FAM114A1: variants seen among roughly 807,000 people sequenced by gnomAD.
The protein encoded by FAM114A1 is family with sequence similarity 114 member A1, also known as protein NOXP20.
FAM114A1 carries 62 observed loss-of-function variants against 64.3 expected under a neutral mutation model. The observed-to-expected ratio is 0.96, with a 90% confidence interval of 0.79 to 1.19. FAM114A1 has a LOEUF of 1.19. FAM114A1 is among the 50% of genes most tolerant of loss of function. The pLI, the probability that FAM114A1 is intolerant of heterozygous loss-of-function variation, is 0.00. For missense variants in FAM114A1, 645 were observed against 676.3 expected (o/e 0.95, Z 0.51); for synonymous variants, 254 against 251.1 (o/e 1.01, Z -0.11).
intron 8 of FAM114A1, among the ~76,000 whole-genome samples, chr4:38,917,293 G>A (rs562795292): frequency 1.4e-4 from 21 of 152,028 alleles, no homozygotes; most frequent in East Asian, 9.7e-4. Flanking sequence ...AGCCGAGATC[G>A]TGCCACTGCG....
At chr4:38,916,658 G>C (rs9759910) in intron 8 of FAM114A1, among the ~76,000 whole-genome samples, 2 of 151,972 alleles carry the variant, frequency 1.3e-5, no homozygotes, top group Non-Finnish European at 2.9e-5. Context: ...GAGGCCTGTC[G>C]GGGGTAGGGG....
intron 6 of FAM114A1, among the ~76,000 whole-genome samples, chr4:38,907,734 TA>T (rs1200651348): frequency 6.6e-6 from 1 of 152,128 alleles, no homozygotes; most frequent in African/African-American, 2.4e-5. Context: ...ATATCAGTAA[TA>T]ATATCATAAT....
Position 38,945,726 on chromosome 4 carries a change from G to T in FAM114A1, c.*2169G>T, listed in dbSNP as rs1272178596. The T allele has an allele frequency of 6.6e-6, 1 of 152,122 alleles. No individual in the cohort carries two copies. Among genetic ancestry groups the T allele is most frequent in the African/African-American group, 2.4e-5 (1 of 41,416 alleles). The allele number at this position is 152,122 out of a possible 1,614,324, so 9.4% of individuals were successfully genotyped here. On this transcript the variant is annotated 3_prime_UTR_variant, in exon 15 of 15. Coordinates refer to ENST00000358869, the MANE Select transcript of FAM114A1 (RefSeq NM_138389.4). ...AAAATTACCTGAGAAATCAATTAAAGATTTTTCCCCTTTTCTGATTGCCAG... is the reference window on the plus strand; with the variant it reads ...AAAATTACCTGAGAAATCAATTAAATATTTTTCCCCTTTTCTGATTGCCAG...
At chr4:38,934,810 A>C (rs1042091528) in intron 12 of FAM114A1, among the ~76,000 whole-genome samples, 1 of 152,178 alleles carries the variant, frequency 6.6e-6, no homozygotes, top group South Asian at 2.1e-4. Context: ...ATTCTACAGG[A>C]TCTTTATTTT....
intron 13 of FAM114A1, among the ~76,000 whole-genome samples, chr4:38,937,117 T>C (rs1275039751): frequency 6.6e-6 from 1 of 152,206 alleles, no homozygotes; most frequent in Non-Finnish European, 1.5e-5. Flanking sequence ...TCTAATGATG[T>C]TCTCCATGAG....
chr4:38,915,193 G>C, intron 8 of FAM114A1, 120 bp downstream of exon 8: 3 of 1,283,724 alleles, frequency 2.3e-6, no homozygotes, highest in Non-Finnish European at 3.2e-6. Context: ...TTATTGTGCT[G>C]AGGTCAGAAA....
chr4:38,929,853 A>C (rs957844992), intron 10 of FAM114A1, among the ~76,000 whole-genome samples: 15 of 152,182 alleles, frequency 9.9e-5, no homozygotes, highest in African/African-American at 3.6e-4. Flanking sequence ...AACATGCTAG[A>C]CTGTGTCATG....
intron 12 of FAM114A1, among the ~76,000 whole-genome samples, chr4:38,935,010 C>T (rs902611132): frequency 6.6e-6 from 1 of 151,752 alleles, no homozygotes; most frequent in Non-Finnish European, 1.5e-5. Context: ...CACCTCCTGG[C>T]TTCAAGTGAT....
intron 12 of FAM114A1, among the ~76,000 whole-genome samples, chr4:38,932,838 G>A (rs1176724139): frequency 1.3e-5 from 2 of 150,738 alleles, no homozygotes. Flanking sequence ...TTGTTCTACG[G>A]TCATCTTAAG....
At chr4:38,898,990 T>C (rs1009987765) in intron 4 of FAM114A1, among the ~76,000 whole-genome samples, 14 of 147,374 alleles carry the variant, frequency 9.5e-5, no homozygotes, top group Non-Finnish European at 1.9e-4. Context: ...ATATGTAATA[T>C]ATGTTATATA....
At chr4:38,920,901 T>G (rs980190899) in intron 8 of FAM114A1, among the ~76,000 whole-genome samples, 1 of 152,148 alleles carries the variant, frequency 6.6e-6, no homozygotes, top group East Asian at 1.9e-4. Flanking sequence ...CGCTAATGGG[T>G]TTTGTGTTGA....
chr4:38,905,400 TAA>T (rs74272797), intron 4 of FAM114A1, 120 bp from the exon 5 acceptor site: 3,500 of 586,360 alleles, frequency 6.0e-3, no homozygotes, highest in East Asian at 9.6e-3. Flanking sequence ...CTCCATCTTT[TAA>T]AAAAAAAAAA....
chr4:38,894,398 A>T (rs1716712002), intron 4 of FAM114A1, among the ~76,000 whole-genome samples: 1 of 152,224 alleles, frequency 6.6e-6, no homozygotes, highest in Non-Finnish European at 1.5e-5. Context: ...ATTGATCCAG[A>T]AGAGCCTAGA....
intron 3 of FAM114A1, 133 bp downstream of exon 3, chr4:38,878,559 A>AGTGTG (rs1714906516): frequency 3.0e-6 from 2 of 670,052 alleles, no homozygotes; most frequent in African/African-American, 4.1e-5. Context: ...TGTCATCAGA[A>AGTGTG]ATGTGTAGTG....
chr4:38,883,557 T>A (rs1388383022), intron 3 of FAM114A1, among the ~76,000 whole-genome samples: 1 of 152,176 alleles, frequency 6.6e-6, no homozygotes, highest in Non-Finnish European at 1.5e-5. Flanking sequence ...AGAATCCCAA[T>A]GTTAACACTG....
In FAM114A1 at chr4:38,932,333, A is replaced by G. The variant is rs1269776195; in HGVS notation, c.1422A>G (p.Glu474=). ...KVAELILHGQ[E]EEKPAQDQAK... Reference sequence around the variant, plus strand: ...CAGAATTAATTCTTCATGGACAAGAAGAGGAAAAACCAGCTCAGGACCAAG... The same window carrying G: ...CAGAATTAATTCTTCATGGACAAGAGGAGGAAAAACCAGCTCAGGACCAAG... The change falls in exon 12 of 15, where the codon GAA becomes GAG. Residue 474 remains glutamate, a synonymous_variant. Coordinates refer to ENST00000358869, the MANE Select transcript of FAM114A1 (RefSeq NM_138389.4). 6.2e-7 allele frequency: 1 copy of G among 1,613,168 alleles called. No individual in the cohort carries two copies. Among genetic ancestry groups the G allele is most frequent in the East Asian group, 2.2e-5 (1 of 44,884 alleles).
Position 38,905,782 on chromosome 4 carries a change from C to T in FAM114A1, c.578C>T (p.Pro193Leu), listed in dbSNP as rs1717941540. 1 of 1,613,902 alleles carries T rather than the reference C, an allele frequency of 6.2e-7. No homozygotes were observed. Among genetic ancestry groups the T allele is most frequent in the African/African-American group, 1.3e-5 (1 of 74,912 alleles). The change falls in exon 6 of 15, where the codon CCT (proline) becomes CTT (leucine). Residue 193 changes from proline (P) to leucine (L), a missense_variant. Coordinates refer to ENST00000358869, the MANE Select transcript of FAM114A1 (RefSeq NM_138389.4). ...ACAGATGCAGCCACAGATCAGGGCC[C>T]TGCAGAAAGCCCACCCACTTCCCCT... The part of the protein sequence containing the change: ...EITDAATDQG[P>L]AESPPTSPSS...
rs1390379103 is a variant in FAM114A1 at position 38,945,571 on chromosome 4, A to G, written c.*2014A>G. The G allele has an allele frequency of 6.6e-6, 1 of 152,224 alleles. No homozygotes were observed. The highest frequency in any genetic ancestry group is 1.5e-5 in the Non-Finnish European group (1 of 68,042). 9.4% of individuals were successfully genotyped at this position (152,224 alleles called of 1,614,324 possible). ...AGACTGCCTTTGTTCCATACAGGCA[A>G]AGTAAGGATATTTTAATATCATCCT... On this transcript the variant is annotated 3_prime_UTR_variant, in exon 15 of 15. Coordinates refer to ENST00000358869, the MANE Select transcript of FAM114A1 (RefSeq NM_138389.4).
intron 7 of FAM114A1, among the ~76,000 whole-genome samples, chr4:38,913,038 A>G (rs773316926): frequency 8.5e-5 from 13 of 152,206 alleles, no homozygotes; most frequent in Non-Finnish European, 1.3e-4. Flanking sequence ...TCGAGAACCC[A>G]GAAGGAAATA....
Sources: gnomAD v4.1 joint callset for allele counts (sites outside exome capture counted in the v4.1 genomes callset) on GRCh38, gnomAD v4.1.1 for gene constraint, MANE v1.5 for transcripts, NCBI Gene and HGNC (gene_info 2026-07-23, HGNC 2026-07-21) for gene names.